Variants in TMEM132B observed in about 807,000 individuals in gnomAD.
TMEM132B encodes transmembrane protein 132B.
In TMEM132B, 18 loss-of-function variants were observed where a neutral mutation model predicts 90.8. That is an observed-to-expected ratio of 0.20 (90% confidence interval 0.14 to 0.29). The LOEUF (loss-of-function observed/expected upper bound fraction) is 0.29. TMEM132B is among the 10% of genes least tolerant of loss of function. The pLI, the probability that TMEM132B is intolerant of heterozygous loss-of-function variation, is 1.00. For synonymous variants in TMEM132B, 504 were observed against 523.3 expected (o/e 0.96, Z 0.50); for missense variants, 1,096 against 1,326.8 (o/e 0.83, Z 2.70).
chr12:125,398,533 G>A (rs930452394), intron 2 of TMEM132B, among the ~76,000 whole-genome samples: 6 of 152,172 alleles, frequency 3.9e-5, no homozygotes, highest in African/African-American at 7.2e-5. Context: ...ACTGGCGGTG[G>A]GGGGGATGTG....
chr12:125,387,426 G>A (rs955943780), intron 2 of TMEM132B, among the ~76,000 whole-genome samples: 10 of 152,284 alleles, frequency 6.6e-5, no homozygotes, highest in Non-Finnish European at 1.0e-4. Flanking sequence ...TTGCAGGAAG[G>A]TGAATCAAGG....
intron 5 of TMEM132B, among the ~76,000 whole-genome samples, chr12:125,594,341 A>G (rs1885390128): frequency 6.6e-6 from 1 of 152,246 alleles, no homozygotes; most frequent in African/African-American, 2.4e-5. Flanking sequence ...GGATCTTACA[A>G]CTAATGCTGC....
chr12:125,552,030 C>T (rs1340636222), intron 4 of TMEM132B, among the ~76,000 whole-genome samples: 1 of 152,180 alleles, frequency 6.6e-6, no homozygotes, highest in Non-Finnish European at 1.5e-5. Flanking sequence ...AAGAAATAAC[C>T]TCTCAGTTCC....
Position 125,652,443 on chromosome 12 carries a change from C to T in TMEM132B, c.1917C>T (p.Val639=). ...GAGTCTCCTCGCTGACTTTTCAGGT[C>T]CTCTCGCCGTTGTCTGACTCCATCC... The part of the protein sequence containing the change: ...GREPGITTVQ[V]LSPLSDSILA... The change falls in exon 8 of 9, where the codon GTC becomes GTT. Residue 639 remains valine (V), a splice_region_variant and synonymous_variant. Transcript: ENST00000682704. The T allele has an allele frequency of 6.3e-7, 1 of 1,597,292 alleles. No individual in the cohort carries two copies. Among genetic ancestry groups the T allele is most frequent in the Non-Finnish European group, 8.5e-7 (1 of 1,170,864 alleles).
intron 1 of TMEM132B, among the ~76,000 whole-genome samples, chr12:125,334,832 C>G (rs1205125346): frequency 6.6e-6 from 1 of 152,216 alleles, no homozygotes; most frequent in African/African-American, 2.4e-5. Context: ...ACTTCACTTA[C>G]AAAGCAAAAG....
chr12:125,252,220 G>C (rs1874333039), intron 1 of TMEM132B, among the ~76,000 whole-genome samples: 1 of 152,208 alleles, frequency 6.6e-6, no homozygotes, highest in Non-Finnish European at 1.5e-5. Flanking sequence ...CTCAGGAAGG[G>C]CCCGGAGGAG....
chr12:125,239,278 A>G (rs1231071003), intron 1 of TMEM132B, among the ~76,000 whole-genome samples: 2 of 152,190 alleles, frequency 1.3e-5, no homozygotes, highest in Admixed American at 6.5e-5. Context: ...TTGTTCTGAC[A>G]TATGTTCCCA....
At chr12:125,412,607 A>G (rs1460838060) in intron 2 of TMEM132B, among the ~76,000 whole-genome samples, 1 of 152,082 alleles carries the variant, frequency 6.6e-6, no homozygotes, top group Non-Finnish European at 1.5e-5. Context: ...GGATGTTGAG[A>G]ACAACGGTGA....
chr12:125,415,666 C>A lies in TMEM132B; in HGVS notation c.1095C>A (p.Asp365Glu), dbSNP rs772533041. The change falls in exon 3 of 9, where the codon GAC becomes GAA. Residue 365 changes from aspartate (D) to glutamate (E), a missense_variant. Transcript: ENST00000682704. The surrounding 1 kb of genome is among the most constrained non-coding windows in gnomAD (Gnocchi z 5.3). ...TCACCTGCATGGGCCATCGCCCGGA[C>A]ACGCAGAGCAGGTAAGCATGGAGAT... ...ATLTCMGHRP[D>E]TQSRVNGSFY... The A allele has an allele frequency of 1.6e-5, 26 of 1,613,976 alleles. No individual in the cohort carries two copies. The East Asian group carries it at 5.1e-4, about 32-fold the overall frequency.
At position 125,406,836 on chromosome 12, in the gene TMEM132B, T is replaced by C. The variant is rs1202662061; in HGVS notation, c.960-8695T>C. ...AAGGACTCAAAGAACTCAGAAACGC[T>C]GTTGTACTTATAAATATTGTTTATT... is the stretch of plus-strand genomic sequence containing the variant. On this transcript the variant is annotated intron_variant, in intron 2 of 8. Coordinates refer to ENST00000682704, the MANE Select transcript of TMEM132B (RefSeq NM_001366854.1). The surrounding 1 kb of genome is among the most constrained non-coding windows in gnomAD (Gnocchi z 8.3). Among the ~76,000 whole-genome samples the C allele has an allele frequency of 1.3e-5, 2 of 152,206 alleles. No homozygotes were observed. The highest frequency in any genetic ancestry group is 3.8e-4 in the East Asian group (2 of 5,196).
chr12:125,568,365 C>T (rs547480079), intron 4 of TMEM132B, among the ~76,000 whole-genome samples: 5 of 152,328 alleles, frequency 3.3e-5, no homozygotes, highest in Admixed American at 3.3e-4. Flanking sequence ...TCCATCCCCT[C>T]CAGCACTTCT....
At chr12:125,596,321 C>T (rs1885439661) in intron 5 of TMEM132B, among the ~76,000 whole-genome samples, 1 of 152,172 alleles carries the variant, frequency 6.6e-6, no homozygotes, top group Admixed American at 6.5e-5. Context: ...GATTACACAG[C>T]CTCCTATTAA....
rs957060469 is a variant in TMEM132B at position 125,415,550 on chromosome 12, G to A, written c.979G>A (p.Val327Met). 4 of 1,614,092 alleles carry A rather than the reference G, an allele frequency of 2.5e-6. No individual in the cohort carries two copies. In the East Asian group the frequency reaches 6.7e-5, roughly 27 times the overall value. Residue 327 changes from valine to methionine, a missense_variant, in exon 3 of 9, where the codon GTG (valine) becomes ATG (methionine). Transcript: ENST00000682704. The surrounding 1 kb of genome is among the most constrained non-coding windows in gnomAD (Gnocchi z 5.3). ...FTLRIKAAAG[V>M]KITAVRVSSE... ...CCACAGAATTAAGGCGGCAGCAGGT[G>A]TGAAGATAACGGCAGTGAGAGTCAG...
chr12:125,301,877 T>TCAAAACCAAAA, intron 1 of TMEM132B: 1 of 143,958 alleles, frequency 6.9e-6, no homozygotes, highest in Non-Finnish European at 1.5e-5. Context: ...AGACTCCGTC[T>TCAAAACCAAAA]CAAAACAAAA....
chr12:125,211,573 G>A (rs1873318492), intron 1 of TMEM132B, among the ~76,000 whole-genome samples: 2 of 152,152 alleles, frequency 1.3e-5, no homozygotes, highest in South Asian at 4.1e-4. Flanking sequence ...GAGTTCTGGT[G>A]GGAGGACTCA....
intron 1 of TMEM132B, among the ~76,000 whole-genome samples, chr12:125,212,480 G>A (rs1175235760): frequency 6.6e-6 from 1 of 151,934 alleles, no homozygotes; most frequent in Non-Finnish European, 1.5e-5. Context: ...ATCATCTGAG[G>A]TCAGGAGTTT....
chr12:125,620,860 C>G (rs1057375603), intron 5 of TMEM132B, among the ~76,000 whole-genome samples: 2 of 152,222 alleles, frequency 1.3e-5, no homozygotes, highest in East Asian at 3.9e-4. Flanking sequence ...ATGAGAGTAA[C>G]TGCCCCAATG....
rs192769242 is a variant in TMEM132B, at chr12:125,491,715, T to C, written c.1107-27724T>C. Among the ~76,000 whole-genome samples, 129 of 152,302 alleles carry C rather than the reference T, an allele frequency of 8.5e-4. 1 individual carries two copies. Among genetic ancestry groups the C allele is most frequent in the South Asian group, 4.1e-4 (2 of 4,828 alleles). ...GTGAGCCTAATTGAGCTTGGTCCAT[T>C]AGTCAAGTATGGGCCAACCCACTGG... On this transcript the variant is annotated intron_variant, in intron 3 of 8. Coordinates refer to ENST00000682704, the MANE Select transcript of TMEM132B (RefSeq NM_001366854.1).
chr12:125,376,713 CTTA>C (rs1878500908), intron 2 of TMEM132B, among the ~76,000 whole-genome samples: 1 of 152,202 alleles, frequency 6.6e-6, no homozygotes, highest in African/African-American at 2.4e-5. Flanking sequence ...CCCCCTTCCC[CTTA>C]AAAGGGCTGA....
Sources: gnomAD v4.1 joint callset for allele counts (sites outside exome capture counted in the v4.1 genomes callset) on GRCh38, gnomAD v4.1.1 for gene constraint, Gnocchi (gnomAD v3.1) non-coding constraint, MANE v1.5 for transcripts, NCBI Gene and HGNC (gene_info 2026-07-23, HGNC 2026-07-21) for gene names.